Variants in GRHL3 observed in about 807,000 individuals in gnomAD.
The protein encoded by GRHL3 is grainyhead like transcription factor 3.
Under a neutral mutation model 70.3 loss-of-function variants are expected in GRHL3, and 20 were observed. That is an observed-to-expected ratio of 0.28 (90% CI 0.20 to 0.41). GRHL3 has a LOEUF of 0.41. Ranked by LOEUF, GRHL3 falls within the 10% of genes least tolerant of loss-of-function variation. The pLI, the probability that GRHL3 is intolerant of heterozygous loss-of-function variation, is 1.00. For missense variants in GRHL3, 637 were observed against 762.3 expected (o/e 0.84, Z 1.94); for synonymous variants, 299 against 299.9 (o/e 1.00, Z 0.03).
chr1:24,357,824 T>C, downstream of GRHL3: 1 of 294,410 alleles, frequency 3.4e-6, no homozygotes, highest in South Asian at 3.5e-5. Context: ...TGGAAGGGCC[T>C]GTAAGCCTTG....
chr1:24,323,089 T>C (rs1639263258), intron 1 of GRHL3: 2 of 1,546,312 alleles, frequency 1.3e-6, no homozygotes, highest in African/African-American at 1.4e-5. Flanking sequence ...CAGAAGAATG[T>C]GGATGAATTC....
In GRHL3 at chr1:24,331,539, C is replaced by T. The variant is rs761264511; in HGVS notation, c.131C>T (p.Thr44Ile). 2 of 1,614,078 alleles carry T rather than the reference C, an allele frequency of 1.2e-6. No individual in the cohort carries two copies. The highest frequency in any genetic ancestry group is 1.7e-6 in the Non-Finnish European group (2 of 1,180,028). The part of the protein sequence containing the change: ...TYLENPLTAA[T>I]KAMMRVNGDD... ...CTAGAAAACCCGTTGACAGCTGCCA[C>T]AAAGGCCATGATGAGAGTCAATGGA... Residue 44 changes from threonine to isoleucine, a missense_variant, in exon 2 of 16, where the codon ACA becomes ATA. Physicochemically the swap from Thr to Ile is moderately conservative, Grantham distance 89. Transcript: ENST00000361548.
At chr1:24,344,793 C>T in intron 11 of GRHL3, 104 bp from the exon 12 acceptor site, 1 of 1,282,700 alleles carries the variant, frequency 7.8e-7, no homozygotes, top group Non-Finnish European at 1.1e-6. Context: ...CAGTATTCTC[C>T]CCACCTCCCA....
intron 15 of GRHL3, among the ~76,000 whole-genome samples, chr1:24,352,269 T>C (rs1205833877): frequency 6.6e-6 from 1 of 152,210 alleles, no homozygotes; most frequent in African/African-American, 2.4e-5. Flanking sequence ...ATCAAAGGCC[T>C]GGTTTATTTT....
At chr1:24,364,225 C>G in exon 16 of GRHL3, 1 of 1,544,672 alleles carries the variant, frequency 6.5e-7, no homozygotes, top group Non-Finnish European at 8.7e-7. Context: ...TCGCCACCCC[C>G]CACCTGACTG....
downstream of GRHL3, chr1:24,358,752 A>G (rs114811766): frequency 1.3e-3 from 851 of 648,788 alleles, 6 homozygotes; most frequent in African/African-American, 0.014. Flanking sequence ...GTGGGGAGAC[A>G]GAGAGGAAGG....
At position 24,334,592 on chromosome 1, in the gene GRHL3, T is replaced by G; in HGVS notation, c.205-53T>G. The stretch of plus-strand genomic sequence containing the variant: ...CAAAGCTGCAGGAGGGGATTGAGGC[T>G]CCTACCAGCAGAAGCTTAGCCATGC... On this transcript the variant is annotated intron_variant, in intron 2 of 15. Transcript: ENST00000361548. The surrounding 1 kb of genome is among the most constrained non-coding windows in gnomAD (Gnocchi z 4.3). The G allele has an allele frequency of 3.4e-6, 5 of 1,475,608 alleles. No homozygotes were observed. The highest frequency in any genetic ancestry group is 4.7e-6 in the Non-Finnish European group (5 of 1,059,516). The allele number at this position is 1,475,608 out of a possible 1,614,324, so 91.4% of individuals were successfully genotyped here. A position where few individuals can be genotyped will look rare whatever the true frequency, so the allele number is the denominator to read the frequency against.
At position 24,346,629 on chromosome 1, in the gene GRHL3, G is replaced by C; in HGVS notation, c.1531G>C (p.Asp511His). Residue 511 changes from aspartate (D) to histidine (H), a missense_variant, in exon 13 of 16, where the codon GAC (aspartate) becomes CAC (histidine). This residue lies in a region of GRHL3 where 387 missense variants were observed against 513.8 expected (regional missense o/e 0.75). Transcript: ENST00000361548. ...GCCCTCCAAGCAGGCCAAGGAAGGC[G>C]ACCTTCAGAGAGGTGACCTCCCGCC... is the stretch of plus-strand genomic sequence containing the variant. ...PLPSKQAKEG[D>H]LQRVLLYVRR... 1 of 1,611,862 alleles carries C rather than the reference G, an allele frequency of 6.2e-7. No individual in the cohort carries two copies. The highest frequency in any genetic ancestry group is 2.2e-5 in the East Asian group (1 of 44,824).
intron 13 of GRHL3, 126 bp downstream of exon 13, chr1:24,346,767 G>A: frequency 2.9e-6 from 2 of 696,074 alleles, no homozygotes; most frequent in South Asian, 1.9e-5. Context: ...GCTAGGTTTA[G>A]GTTAAGACTT....
downstream of GRHL3, chr1:24,358,258 T>C (rs1177270182): frequency 6.4e-6 from 4 of 628,040 alleles, no homozygotes; most frequent in African/African-American, 1.8e-5. Flanking sequence ...GCAGCCTGGA[T>C]GGGTGCGTGG....
intron 4 of GRHL3, 63 bp from the exon 5 acceptor site, chr1:24,337,015 T>C (rs1569882096): frequency 6.6e-7 from 1 of 1,518,362 alleles, no homozygotes; most frequent in Admixed American, 1.7e-5. Context: ...TGCACAGCCC[T>C]GGGCTGAGGC....
downstream of GRHL3, among the ~76,000 whole-genome samples, chr1:24,359,014 A>C (rs6665910): frequency 0.31 from 47,126 of 152,088 alleles, 11,133 homozygotes; most frequent in African/African-American, 0.67. This position sits in a 1 kb window ranked among gnomAD's most constrained non-coding sequence, Gnocchi z 5.3. Context: ...ACATGGTTCT[A>C]TAGGAGATGA....
chr1:24,321,086 C>T lies in GRHL3; in HGVS notation c.17+1518C>T, dbSNP rs945823424. Among the ~76,000 whole-genome samples the T allele has an allele frequency of 6.6e-6, 1 of 152,340 alleles. No homozygotes were observed. Among genetic ancestry groups the T allele is most frequent in the East Asian group, 1.9e-4 (1 of 5,186 alleles). ...CCATACTTTGAACGCGCAAAAAAAT[C>T]TTGACATGTGTCTCCATCCCACTTA... On this transcript the variant is annotated intron_variant, in intron 1 of 15. Transcript: ENST00000361548. This position sits in a 1 kb window ranked among gnomAD's most constrained non-coding sequence, Gnocchi z 4.0.
chr1:24,349,973 G>A (rs907668321), intron 14 of GRHL3, 85 bp from the exon 15 acceptor site: 1 of 979,756 alleles, frequency 1.0e-6, no homozygotes, highest in Non-Finnish European at 1.6e-6. Context: ...TTTGTAATCA[G>A]GAAGTAAAAA....
intron 12 of GRHL3, among the ~76,000 whole-genome samples, chr1:24,345,623 A>G (rs1640249024): frequency 6.6e-6 from 1 of 152,138 alleles, no homozygotes. Flanking sequence ...TAGGGGATGA[A>G]AACCCTCCAT....
chr1:24,346,856 G>A (rs77770505), intron 13 of GRHL3, among the ~76,000 whole-genome samples: 2 of 152,224 alleles, frequency 1.3e-5, no homozygotes, highest in Non-Finnish European at 2.9e-5. Flanking sequence ...TCCTGACCTC[G>A]TGTGGACGTG....
chr1:24,356,094 T>G (rs988493318), downstream of GRHL3, among the ~76,000 whole-genome samples: 54 of 151,332 alleles, frequency 3.6e-4, no homozygotes, highest in Non-Finnish European at 2.2e-4. Context: ...AGAGACGGGG[T>G]TTCACCATAT....
chr1:24,337,332 A>G (rs151171718), intron 5 of GRHL3, among the ~76,000 whole-genome samples, 181 bp downstream of exon 5: 2 of 152,184 alleles, frequency 1.3e-5, no homozygotes, highest in African/African-American at 2.4e-5. Flanking sequence ...TGTGATAGGG[A>G]GCTCAGAACT....
chr1:24,331,330 T>G lies in GRHL3; in HGVS notation c.18-96T>G, dbSNP rs542791035. ...AGAGGCAGTTTCATGTTTTCAAAGC[T>G]AATAACTCTGAATTCCTGGGCGTTG... On this transcript the variant is annotated intron_variant, in intron 1 of 15. Coordinates refer to ENST00000361548, the MANE Select transcript of GRHL3 (RefSeq NM_198173.3). 41 of 1,154,304 alleles carry G rather than the reference T, an allele frequency of 3.6e-5. No individual in the cohort carries two copies. The African/African-American group carries it at 4.2e-4, about 12-fold the overall frequency. The allele number at this position is 1,154,304 out of a possible 1,614,324, so 71.5% of individuals were successfully genotyped here. A position where few individuals can be genotyped will look rare whatever the true frequency, so the allele number is the denominator to read the frequency against.
Sources: gnomAD v4.1 joint callset for allele counts (sites outside exome capture counted in the v4.1 genomes callset) on GRCh38, gnomAD v4.1.1 for gene constraint, gnomAD v4.1.1 regional missense constraint, Gnocchi (gnomAD v3.1) non-coding constraint, MANE v1.5 for transcripts, NCBI Gene and HGNC (gene_info 2026-07-23, HGNC 2026-07-21) for gene names.